The following ADGRG7 variants were observed in gnomAD, a reference collection of about 807,000 sequenced individuals.
ADGRG7 encodes adhesion G protein-coupled receptor G7.
In ADGRG7, 82 loss-of-function variants were observed where a neutral mutation model predicts 88.6. The ratio of observed to expected loss-of-function variants is 0.93; its 90% CI spans 0.77 to 1.11. The LOEUF (loss-of-function observed/expected upper bound fraction) is 1.11, where lower values mean the gene tolerates loss of function less well. Ranked by LOEUF, ADGRG7 falls within the 50% of genes most tolerant of loss-of-function variation. The pLI is 0.00. For missense variants in ADGRG7, 945 were observed against 953.4 expected (o/e 0.99, Z 0.12); for synonymous variants, 381 against 345.2 (o/e 1.10, Z -1.15).
At chr3:100,644,487 T>C (rs557955260) in intron 8 of ADGRG7, among the ~76,000 whole-genome samples, 6 of 152,274 alleles carry the variant, frequency 3.9e-5, no homozygotes, top group South Asian at 4.1e-4. Context: ...ACAGTACCTA[T>C]GTAACTATCA....
chr3:100,626,734 G>A lies in ADGRG7; in HGVS notation c.116-2864G>A, dbSNP rs577872124. Among the ~76,000 whole-genome samples the A allele has an allele frequency of 5.3e-5, 8 of 152,232 alleles. No homozygotes were observed. In the East Asian group the frequency reaches 9.6e-4, roughly 18 times the overall value. ...CAGGAGTCAGAGGTTGCAGTGAGCC[G>A]AGATTGTGCCACTGCACTCCAGCCT... On this transcript the variant is annotated intron_variant, in intron 1 of 15. Transcript: ENST00000273352.
At chr3:100,611,251 C>CTTT (rs1475781213) in intron 1 of ADGRG7, among the ~76,000 whole-genome samples, 3 of 90,420 alleles carry the variant, frequency 3.3e-5, no homozygotes, top group Admixed American at 2.7e-4. Context: ...GTTTTTCCTT[C>CTTT]CTTCCTTCCT....
intron 15 of ADGRG7, among the ~76,000 whole-genome samples, chr3:100,686,397 A>G (rs1039961054): frequency 6.6e-6 from 1 of 152,090 alleles, no homozygotes; most frequent in Non-Finnish European, 1.5e-5. Flanking sequence ...CCATTTGTCA[A>G]TTTTGGCCTT....
Position 100,637,358 on chromosome 3 carries a change from T to C in ADGRG7, c.654T>C (p.Ala218=). ...AACTCCTAGATGCCAGTGAAGATGC[T>C]TTTCAAAGAGTTGCTGCTACTGCTA... The part of the protein sequence containing the change: ...VSQLLDASED[A]FQRVAATAND... Residue 218 remains alanine (A), a synonymous_variant, in exon 6 of 16, where the codon GCT becomes GCC. Coordinates refer to ENST00000273352, the MANE Select transcript of ADGRG7 (RefSeq NM_032787.3). 1 of 1,613,952 alleles carries C rather than the reference T, an allele frequency of 6.2e-7. No homozygotes were observed. The highest frequency in any genetic ancestry group is 8.5e-7 in the Non-Finnish European group (1 of 1,179,892).
intron 1 of ADGRG7, among the ~76,000 whole-genome samples, chr3:100,620,910 A>G (rs985267312): frequency 4.0e-5 from 6 of 151,514 alleles, no homozygotes; most frequent in Admixed American, 3.9e-4. Context: ...TTCCAATAAC[A>G]TGTGCTCGCT....
At chr3:100,677,109 G>A (rs1010378817) in intron 15 of ADGRG7, among the ~76,000 whole-genome samples, 8 of 151,946 alleles carry the variant, frequency 5.3e-5, no homozygotes, top group Non-Finnish European at 7.4e-5. Context: ...TTATTGATAC[G>A]TAATGACTTA....
intron 15 of ADGRG7, among the ~76,000 whole-genome samples, chr3:100,694,515 C>G (rs72917321): frequency 6.6e-6 from 1 of 152,106 alleles, no homozygotes; most frequent in Non-Finnish European, 1.5e-5. Flanking sequence ...GACCTGAACT[C>G]GGGTCTTCTA....
At chr3:100,612,296 A>G (rs1266914722) in intron 1 of ADGRG7, among the ~76,000 whole-genome samples, 1 of 152,172 alleles carries the variant, frequency 6.6e-6, no homozygotes, top group Non-Finnish European at 1.5e-5. Context: ...CTGATGTACA[A>G]CAATATTTAT....
At chr3:100,660,007 A>T (rs1346977227) in intron 14 of ADGRG7, among the ~76,000 whole-genome samples, 164 bp downstream of exon 14, 2 of 152,188 alleles carry the variant, frequency 1.3e-5, no homozygotes, top group Admixed American at 6.5e-5. Flanking sequence ...CAGAAGGTGG[A>T]TCTTCTCGTC....
chr3:100,660,123 A>T (rs1165910871), intron 14 of ADGRG7, among the ~76,000 whole-genome samples: 9 of 152,176 alleles, frequency 5.9e-5, no homozygotes, highest in Admixed American at 5.9e-4. Context: ...AAGAAAAAAA[A>T]TTTTCGTCCC....
chr3:100,681,997 T>C (rs1335205423), intron 15 of ADGRG7, among the ~76,000 whole-genome samples: 1 of 152,174 alleles, frequency 6.6e-6, no homozygotes, highest in Admixed American at 6.5e-5. Context: ...TTTTCAGTTT[T>C]GGTATTTATT....
At chr3:100,623,020 C>G (rs1423254956) in intron 1 of ADGRG7, among the ~76,000 whole-genome samples, 4 of 151,754 alleles carry the variant, frequency 2.6e-5, no homozygotes, top group African/African-American at 9.7e-5. Flanking sequence ...ATCTCGGTCT[C>G]CCAAAATGCT....
chr3:100,632,541 T>C (rs1162103479), intron 3 of ADGRG7, among the ~76,000 whole-genome samples: 7 of 152,214 alleles, frequency 4.6e-5, no homozygotes, highest in Non-Finnish European at 2.9e-5. Context: ...ATAAATATGT[T>C]AGAAATTTTC....
intron 6 of ADGRG7, among the ~76,000 whole-genome samples, chr3:100,640,314 T>C (rs1432863156): frequency 6.6e-6 from 1 of 152,222 alleles, no homozygotes. Context: ...CCTTCTTTCA[T>C]TCCAGTTTTC....
intron 4 of ADGRG7, among the ~76,000 whole-genome samples, chr3:100,634,360 A>G (rs1459072049): frequency 6.6e-5 from 10 of 152,204 alleles, no homozygotes; most frequent in Admixed American, 6.5e-4. Flanking sequence ...ACACTTACTA[A>G]TTGTTGAGCA....
Position 100,629,718 on chromosome 3 carries a change from T to A in ADGRG7, c.229+7T>A, listed in dbSNP as rs1707433451. On this transcript the variant is annotated splice_region_variant and intron_variant, in intron 2 of 15. Coordinates refer to ENST00000273352, the MANE Select transcript of ADGRG7 (RefSeq NM_032787.3). Reference sequence around the variant, plus strand: ...GGACTGAGATGTACAATTGGTAAATTACTTGGGATAATGCTAAAGTGTAAG... The same window carrying A: ...GGACTGAGATGTACAATTGGTAAATAACTTGGGATAATGCTAAAGTGTAAG... The A allele has an allele frequency of 6.4e-7, 1 of 1,555,730 alleles. No individual in the cohort carries two copies. Among genetic ancestry groups the A allele is most frequent in the Non-Finnish European group, 8.9e-7 (1 of 1,127,278 alleles).
At chr3:100,694,029 G>A (rs2149045726) in intron 15 of ADGRG7, among the ~76,000 whole-genome samples, 1 of 152,248 alleles carries the variant, frequency 6.6e-6, no homozygotes, top group Non-Finnish European at 1.5e-5. Context: ...GTACTGGTTG[G>A]GTGATCGTGG....
chr3:100,676,136 T>G (rs1053226669), intron 15 of ADGRG7, among the ~76,000 whole-genome samples: 9 of 152,114 alleles, frequency 5.9e-5, no homozygotes, highest in African/African-American at 2.2e-4. Context: ...TTTTCTTTAC[T>G]AATTTTGGTT....
At chr3:100,617,103 A>C (rs971158132) in intron 1 of ADGRG7, among the ~76,000 whole-genome samples, 4 of 152,208 alleles carry the variant, frequency 2.6e-5, no homozygotes, top group Admixed American at 6.6e-5. Context: ...CAAAGCAAAA[A>C]CAAACCACAT....
Sources: allele counts gnomAD v4.1 joint callset (sites outside exome capture counted in the v4.1 genomes callset), GRCh38; gene constraint gnomAD v4.1.1; transcripts MANE v1.5; gene names NCBI Gene and HGNC (gene_info 2026-07-23, HGNC 2026-07-21).